Variants in MST1R observed in about 807,000 individuals in gnomAD.
The protein encoded by MST1R is macrophage-stimulating protein receptor.
A neutral mutation model predicts 117.8 loss-of-function variants in MST1R; 99 were observed. The observed-to-expected ratio is 0.84, with a 90% CI of 0.71 to 0.99. The LOEUF is 0.99. Among genes scored for constraint, MST1R ranks in the 50% least tolerant of loss-of-function variants. MST1R has a pLI of 0.00. For missense variants in MST1R, 1,683 were observed against 1,840.2 expected, an observed-to-expected ratio of 0.91 and a Z score of 1.56; for synonymous variants, 734 against 765.3, an observed-to-expected ratio of 0.96 and a Z score of 0.68.
Position 49,903,669 on chromosome 3 carries a change from C to A in MST1R, c.-60G>T. On this transcript the variant is annotated 5_prime_UTR_variant, in exon 1 of 20. Transcript: ENST00000296474. ...GCCTGGGCCTGGACCTGGGCGTGGG[C>A]CTGGCTGGGGGCCCGACTCGAGGTC... The A allele has an allele frequency of 6.6e-7, 1 of 1,510,770 alleles. No individual in the cohort carries two copies. The highest frequency in any genetic ancestry group is 2.2e-5 in the Admixed American group (1 of 45,928). The allele number at this position is 1,510,770 out of a possible 1,614,324, so 93.6% of individuals were successfully genotyped here. A position where few individuals can be genotyped will look rare whatever the true frequency, so the allele number is the denominator to read the frequency against.
rs989625861 is a variant in MST1R at position 49,887,054 on chromosome 3, T to C, written c.*253A>G. The C allele has an allele frequency of 8.4e-5, 49 of 581,958 alleles. No individual in the cohort carries two copies. Among genetic ancestry groups the C allele is most frequent in the Non-Finnish European group, 1.3e-4 (44 of 326,764 alleles). 36.0% of individuals were successfully genotyped at this position (581,958 alleles called of 1,614,324 possible). On this transcript the variant is annotated 3_prime_UTR_variant, in exon 20 of 20. Transcript: ENST00000296474. ...TTATTGGTTCAAGGGTCAGTGTTGGTGTGGTCACTGCTGAGTCCACTGTGC... is the reference window on the plus strand; with the variant it reads ...TTATTGGTTCAAGGGTCAGTGTTGGCGTGGTCACTGCTGAGTCCACTGTGC...
In MST1R at chr3:49,902,455, A is replaced by G; in HGVS notation, c.1155T>C (p.Cys385=). The G allele has an allele frequency of 5.6e-6, 9 of 1,614,190 alleles. No homozygotes were observed. The highest frequency in any genetic ancestry group is 6.8e-6 in the Non-Finnish European group (8 of 1,180,034). Residue 385 remains cysteine, a synonymous_variant, in exon 1 of 20, where the codon TGT becomes TGC. Coordinates refer to ENST00000296474, the MANE Select transcript of MST1R (RefSeq NM_002447.4). Reference sequence around the variant, plus strand: ...GGCCTGGATGGACTGGGGATTCACAACAGCGCTCCACACCCTCATCAATTA... The same window carrying G: ...GGCCTGGATGGACTGGGGATTCACAGCAGCGCTCCACACCCTCATCAATTA... ...DTLIDEGVER[C]CESPVHPGLR...
In MST1R at chr3:49,902,652, C is replaced by T. The variant is rs1157152552; in HGVS notation, c.958G>A (p.Val320Met). 1 of 1,613,452 alleles carries T rather than the reference C, an allele frequency of 6.2e-7. No individual in the cohort carries two copies. Among genetic ancestry groups the T allele is most frequent in the Admixed American group, 1.7e-5 (1 of 60,034 alleles). ...GGAGCGGAGTGGGCCACCCGCAGCA[C>T]AGGGTAGGGCTGTCCGCCTTCTGGG... ...GAPEGGQPYP[V>M]LRVAHSAPVG... The change falls in exon 1 of 20, where the codon GTG (valine) becomes ATG (methionine). Residue 320 changes from valine to methionine, a missense_variant. By Grantham distance (21) the Val-to-Met change is conservative (BLOSUM62 1). Coordinates refer to ENST00000296474, the MANE Select transcript of MST1R (RefSeq NM_002447.4).
In MST1R at chr3:49,891,265, T is replaced by C; in HGVS notation, c.3576A>G (p.Val1192=). ...CTGCCAGGTACTCCATGCCGCGGGC[T>C]ACCTGCAGGCCAAAGCTGATGAGGT... The part of the protein sequence containing the change: ...VKDLISFGLQ[V]ARGMEYLAEQ... Residue 1192 remains valine, a synonymous_variant, in exon 17 of 20, where the codon GTA becomes GTG. Transcript: ENST00000296474. 6.2e-7 allele frequency: 1 copy of C among 1,614,150 alleles called. No homozygotes were observed. The highest frequency in any genetic ancestry group is 8.5e-7 in the Non-Finnish European group (1 of 1,180,034).
At position 49,889,970 on chromosome 3, in the gene MST1R, C is replaced by G; in HGVS notation, c.3901G>C (p.Ala1301Pro). ...GGCTGGGGCAGGCGCCGACCCTGGG[C>G]CAGGAAGTGGGTAAGGTCAAAAGGG... ...IDPFDLTHFL[A>P]QGRRLPQPEY... Residue 1301 changes from alanine to proline, a missense_variant, in exon 19 of 20, where the codon GCC becomes CCC. Ala to Pro is a conservative substitution (Grantham distance 27, BLOSUM62 -1). Coordinates refer to ENST00000296474, the MANE Select transcript of MST1R (RefSeq NM_002447.4). The G allele has an allele frequency of 6.2e-7, 1 of 1,614,096 alleles. No individual in the cohort carries two copies. Among genetic ancestry groups the G allele is most frequent in the Non-Finnish European group, 8.5e-7 (1 of 1,179,992 alleles).
rs2108389575 is a variant in MST1R at position 49,891,503 on chromosome 3, G to A, written c.3430C>T (p.Leu1144=). 6.2e-7 allele frequency: 1 copy of A among 1,614,050 alleles called. No homozygotes were observed. The highest frequency in any genetic ancestry group is 8.5e-7 in the Non-Finnish European group (1 of 1,180,044). Reference sequence around the variant, plus strand: ...GGCAACATGATACCAATGAGAGCCAGCACATTCGGGTGGTTCAGGCCACGC... The same window carrying A: ...GGCAACATGATACCAATGAGAGCCAACACATTCGGGTGGTTCAGGCCACGC... ...LMRGLNHPNV[L]ALIGIMLPPE... Residue 1144 remains leucine, a synonymous_variant, in exon 16 of 20, where the codon CTG becomes TTG. Coordinates refer to ENST00000296474, the MANE Select transcript of MST1R (RefSeq NM_002447.4).
chr3:49,893,081 C>T (rs184539441), intron 14 of MST1R, among the ~76,000 whole-genome samples: 1 of 151,476 alleles, frequency 6.6e-6, no homozygotes, highest in East Asian at 2.0e-4. Context: ...GAGTTTGAGA[C>T]CAGCCTGGCC....
intron 14 of MST1R, among the ~76,000 whole-genome samples, chr3:49,892,496 C>T (rs2082343721): frequency 6.6e-6 from 1 of 151,448 alleles, no homozygotes; most frequent in Non-Finnish European, 1.5e-5. Flanking sequence ...CACTGCACTC[C>T]AGCCTGAGAG....
At chr3:49,902,208 T>G (rs997727856) in intron 1 of MST1R, among the ~76,000 whole-genome samples, 172 bp downstream of exon 1, 5 of 152,150 alleles carry the variant, frequency 3.3e-5, no homozygotes, top group African/African-American at 1.2e-4. Flanking sequence ...GTAGCCTTTG[T>G]CTGGCTGGTT....
chr3:49,895,148 C>T lies in MST1R; in HGVS notation c.3271+19G>A, dbSNP rs760134821. On this transcript the variant is annotated intron_variant, in intron 14 of 19. Transcript: ENST00000296474. ...TCTTGAGACTCCATCTCTGCCCCAG[C>T]CCCACCTGGCCCCCACACCTTTGCC... 1.2e-6 allele frequency: 2 copies of T among 1,613,274 alleles called. No individual in the cohort carries two copies. Among genetic ancestry groups the T allele is most frequent in the Non-Finnish European group, 1.7e-6 (2 of 1,179,888 alleles).
intron 1 of MST1R, chr3:49,899,557 CAT>C: frequency 5.9e-6 from 1 of 168,174 alleles, no homozygotes. Flanking sequence ...CCACCCCGTA[CAT>C]CTTTTTTTTT....
intron 14 of MST1R, among the ~76,000 whole-genome samples, chr3:49,894,928 C>T (rs1421069055): frequency 6.6e-6 from 1 of 152,128 alleles, no homozygotes; most frequent in Non-Finnish European, 1.5e-5. Context: ...CCTGCCTCAG[C>T]CTCCCAAGTA....
At chr3:49,899,894 A>C (rs2082615843) in intron 1 of MST1R, among the ~76,000 whole-genome samples, 1 of 152,018 alleles carries the variant, frequency 6.6e-6, no homozygotes, top group East Asian at 1.9e-4. Flanking sequence ...CTCACAGATG[A>C]GGAAACAGGC....
rs756210977 is a variant in MST1R, at chr3:49,897,506, C to A, written c.2046+14G>T. ...GCACTGGCCAAGGGCACAGACAGGG[C>A]AAGGTAGCCTCACCATGAAAGAGAA... On this transcript the variant is annotated intron_variant, in intron 6 of 19. Transcript: ENST00000296474. 12 of 1,612,026 alleles carry A rather than the reference C, an allele frequency of 7.4e-6. No homozygotes were observed. The South Asian group carries it at 1.2e-4, about 16-fold the overall frequency.
In MST1R at chr3:49,902,715, C is replaced by T. The variant is rs1165918613; in HGVS notation, c.895G>A (p.Asp299Asn). 4.3e-6 allele frequency: 7 copies of T among 1,613,472 alleles called. No homozygotes were observed. Among genetic ancestry groups the T allele is most frequent in the Admixed American group, 3.3e-5 (2 of 60,014 alleles). Residue 299 changes from aspartate (D) to asparagine (N), a missense_variant, in exon 1 of 20, where the codon GAC becomes AAC. Physicochemically the swap from Asp to Asn is conservative, Grantham distance 23. Coordinates refer to ENST00000296474, the MANE Select transcript of MST1R (RefSeq NM_002447.4). ...ELGDYRELVL[D>N]CRFAPKRRRR... ...CTGCGTTTTGGAGCAAATCTGCAGTCGAGGACCAGCTCCCGATAGTCACCC... is the reference window on the plus strand; with the variant it reads ...CTGCGTTTTGGAGCAAATCTGCAGTTGAGGACCAGCTCCCGATAGTCACCC...
At chr3:49,890,340 A>G (rs1575422920) in intron 18 of MST1R, 145 bp downstream of exon 18, 1 of 951,440 alleles carries the variant, frequency 1.1e-6, no homozygotes, top group East Asian at 2.7e-5. Flanking sequence ...TCCATCTTAC[A>G]TCTGCCCAAG....
In MST1R at chr3:49,898,040, C is replaced by A. The variant is rs2082541525; in HGVS notation, c.1880+11G>T. 1.2e-6 allele frequency: 2 copies of A among 1,614,064 alleles called. No individual in the cohort carries two copies. Among genetic ancestry groups the A allele is most frequent in the Non-Finnish European group, 1.7e-6 (2 of 1,180,036 alleles). On this transcript the variant is annotated intron_variant, in intron 5 of 19. Transcript: ENST00000296474. The stretch of plus-strand genomic sequence containing the variant: ...CCTTCAGGGAAAGGGAGGGGAGGGA[C>A]CAGATTGTACCTGAGTTTTGAGCTG...
intron 1 of MST1R, among the ~76,000 whole-genome samples, chr3:49,900,126 G>T (rs1463248322): frequency 6.6e-6 from 1 of 152,170 alleles, no homozygotes; most frequent in Non-Finnish European, 1.5e-5. Flanking sequence ...TGGGGACATG[G>T]TCCTTCTCCC....
In MST1R at chr3:49,890,571, G is replaced by C. The variant is rs150754921; in HGVS notation, c.3724C>G (p.Gln1242Glu). The change falls in exon 18 of 20, where the codon CAA becomes GAA. Residue 1242 changes from glutamine (Q) to glutamate (E), a missense_variant. Transcript: ENST00000296474. Reference protein sequence around the residue: ...DILDREYYSVQQHRHARLPVK... With the variant: ...DILDREYYSVEQHRHARLPVK... ...GGTAGGCGAGCGTGGCGATGCTGTT[G>C]AACACTATAGTACTCCCTGTCCAGG... 1.9e-6 allele frequency: 3 copies of C among 1,614,146 alleles called. No individual in the cohort carries two copies. Among genetic ancestry groups the C allele is most frequent in the Non-Finnish European group, 2.5e-6 (3 of 1,180,018 alleles).
Sources: gnomAD v4.1 joint callset for allele counts (sites outside exome capture counted in the v4.1 genomes callset) on GRCh38, gnomAD v4.1.1 for gene constraint, MANE v1.5 for transcripts, NCBI Gene and HGNC (gene_info 2026-07-23, HGNC 2026-07-21) for gene names.